EPHB1: variants seen among roughly 807,000 people sequenced by gnomAD.
The protein encoded by EPHB1 is EPH receptor B1.
EPHB1 carries 30 observed loss-of-function variants against 94.4 expected under a neutral mutation model. The ratio of observed to expected loss-of-function variants is 0.32; its 90% CI spans 0.24 to 0.43. The LOEUF is 0.43. EPHB1 is among the 20% of genes least tolerant of loss of function. The pLI is 1.00. For missense variants in EPHB1, 1,055 were observed against 1,308.3 expected (o/e 0.81, Z 2.99); for synonymous variants, 522 against 489.1 (o/e 1.07, Z -0.89).
At chr3:135,021,816 A>G (rs1402792807) in intron 3 of EPHB1, among the ~76,000 whole-genome samples, 1 of 152,212 alleles carries the variant, frequency 6.6e-6, no homozygotes, top group African/African-American at 2.4e-5. Flanking sequence ...AAAATAACAC[A>G]TATTAACTTG....
intron 3 of EPHB1, among the ~76,000 whole-genome samples, chr3:135,025,289 C>A (rs1183080104): frequency 7.6e-6 from 1 of 132,200 alleles, no homozygotes; most frequent in Non-Finnish European, 1.6e-5. Context: ...TATACATGTG[C>A]CATGCTGGTG....
chr3:135,238,993 G>C (rs1345833629), intron 12 of EPHB1, among the ~76,000 whole-genome samples: 1 of 152,198 alleles, frequency 6.6e-6, no homozygotes, highest in Non-Finnish European at 1.5e-5. Context: ...CCAGCCGTGG[G>C]GAACATGTTG....
At chr3:134,817,858 C>T (rs929464616) in intron 1 of EPHB1, among the ~76,000 whole-genome samples, 3 of 152,236 alleles carry the variant, frequency 2.0e-5, no homozygotes, top group Non-Finnish European at 2.9e-5. Context: ...AAATGAGATC[C>T]AATATCCCAA....
At chr3:135,026,116 C>G (rs1445963750) in intron 3 of EPHB1, among the ~76,000 whole-genome samples, 3 of 122,678 alleles carry the variant, frequency 2.4e-5, no homozygotes, top group African/African-American at 8.9e-5. Flanking sequence ...GATATTAGCC[C>G]TTTGTCAGAT....
intron 4 of EPHB1, among the ~76,000 whole-genome samples, chr3:135,108,339 TC>T (rs1232121502): frequency 6.6e-6 from 1 of 152,252 alleles, no homozygotes; most frequent in African/African-American, 2.4e-5. Context: ...ATCCTGTTAA[TC>T]TCTTGGGGCT....
intron 3 of EPHB1, among the ~76,000 whole-genome samples, chr3:135,085,274 G>C (rs186509795): frequency 2.0e-5 from 3 of 152,176 alleles, no homozygotes; most frequent in Non-Finnish European, 4.4e-5. Context: ...GAAGCTAAGC[G>C]TGTCTTCCCA....
intron 1 of EPHB1, among the ~76,000 whole-genome samples, 182 bp from the exon 2 acceptor site, chr3:134,925,634 C>T (rs1198046205): frequency 1.3e-5 from 2 of 152,194 alleles, no homozygotes. Flanking sequence ...ATAATCTTGG[C>T]GGGCTTCTTT....
At chr3:134,834,209 A>G (rs186229038) in intron 1 of EPHB1, among the ~76,000 whole-genome samples, 3 of 152,318 alleles carry the variant, frequency 2.0e-5, no homozygotes, top group East Asian at 1.9e-4. Flanking sequence ...TTGTTCAGAC[A>G]TATCCCAAAT....
chr3:134,952,819 G>A lies in EPHB1; in HGVS notation c.805+767G>A, dbSNP rs551487998. ...CCATATTCAACATGTGGCAATAAAT[G>A]TGCTGAACTGGCTGCAGGCTCAGTC... On this transcript the variant is annotated intron_variant, in intron 3 of 15. Coordinates refer to ENST00000398015, the MANE Select transcript of EPHB1 (RefSeq NM_004441.5). Among the ~76,000 whole-genome samples the A allele has an allele frequency of 3.3e-5, 5 of 152,292 alleles. No individual in the cohort carries two copies. The East Asian group carries it at 9.7e-4, about 29-fold the overall frequency.
At chr3:134,853,943 C>G (rs1414502346) in intron 1 of EPHB1, among the ~76,000 whole-genome samples, 1 of 152,202 alleles carries the variant, frequency 6.6e-6, no homozygotes, top group Admixed American at 6.5e-5. Flanking sequence ...AGCCCATACT[C>G]AAGCCTCCAA....
intron 1 of EPHB1, among the ~76,000 whole-genome samples, chr3:134,805,216 C>A (rs549957085): frequency 6.6e-6 from 1 of 152,210 alleles, no homozygotes; most frequent in East Asian, 1.9e-4. Flanking sequence ...TCCTGGGGGC[C>A]GTTGTCACAG....
chr3:135,182,713 T>G (rs892309400), intron 10 of EPHB1, among the ~76,000 whole-genome samples: 4 of 152,196 alleles, frequency 2.6e-5, no homozygotes, highest in Non-Finnish European at 4.4e-5. Context: ...TATGAGAGAA[T>G]GAGATAGTGA....
intron 3 of EPHB1, among the ~76,000 whole-genome samples, chr3:135,038,891 T>A (rs1257982703): frequency 1.3e-5 from 2 of 152,208 alleles, no homozygotes; most frequent in East Asian, 3.9e-4. Flanking sequence ...TTTTATTCTC[T>A]TATCTGGCCC....
At chr3:135,187,221 T>C (rs1464419400) in intron 10 of EPHB1, among the ~76,000 whole-genome samples, 1 of 152,314 alleles carries the variant, frequency 6.6e-6, no homozygotes, top group East Asian at 1.9e-4. Context: ...AAAATTAGGC[T>C]GGCCACATTT....
intron 12 of EPHB1, among the ~76,000 whole-genome samples, chr3:135,228,473 C>T (rs550541139): frequency 6.6e-6 from 1 of 152,224 alleles, no homozygotes; most frequent in Non-Finnish European, 1.5e-5. Flanking sequence ...AATTTATATT[C>T]TTGCATAGCT....
At chr3:134,862,847 T>C (rs1439606062) in intron 1 of EPHB1, among the ~76,000 whole-genome samples, 2 of 152,226 alleles carry the variant, frequency 1.3e-5, no homozygotes, top group African/African-American at 4.8e-5. Context: ...GCTGTCCTTT[T>C]GGGGCCCAGT....
rs751897556 is a variant in EPHB1 at position 135,259,077 on chromosome 3, C to A, written c.2912C>A (p.Ser971Tyr). Residue 971 changes from serine to tyrosine, a missense_variant, in exon 16 of 16, where the codon TCT (serine) becomes TAT (tyrosine). By Grantham distance (144) the Ser-to-Tyr change is moderately radical. Transcript: ENST00000398015. ...AAGAAGATCCTGAACAGCATTCATTCTATGAGGGTCCAGATAAGTCAGTCA... is the reference window on the plus strand; with the variant it reads ...AAGAAGATCCTGAACAGCATTCATTATATGAGGGTCCAGATAAGTCAGTCA... ...HQKKILNSIH[S>Y]MRVQISQSPT... 6.2e-7 allele frequency: 1 copy of A among 1,610,602 alleles called. No individual in the cohort carries two copies. Among genetic ancestry groups the A allele is most frequent in the Non-Finnish European group, 8.5e-7 (1 of 1,178,592 alleles).
intron 1 of EPHB1, among the ~76,000 whole-genome samples, chr3:134,839,642 ACT>A (rs2036740517): frequency 6.6e-6 from 1 of 151,828 alleles, no homozygotes; most frequent in Non-Finnish European, 1.5e-5. Flanking sequence ...TGCCAGGCTG[ACT>A]CTGACTGGAG....
At chr3:135,101,045 A>T (rs989553832) in intron 3 of EPHB1, among the ~76,000 whole-genome samples, 1 of 152,122 alleles carries the variant, frequency 6.6e-6, no homozygotes, top group African/African-American at 2.4e-5. Flanking sequence ...GAGGAAAGGG[A>T]ACCCCTTTCT....
Sources: allele counts gnomAD v4.1 joint callset (sites outside exome capture counted in the v4.1 genomes callset), GRCh38; gene constraint gnomAD v4.1.1; transcripts MANE v1.5; gene names NCBI Gene and HGNC (gene_info 2026-07-23, HGNC 2026-07-21).